RPS6KB1: variants seen among roughly 807,000 people sequenced by gnomAD.
RPS6KB1 encodes the protein ribosomal protein S6 kinase B1.
A neutral mutation model predicts 70.2 loss-of-function variants in RPS6KB1; 12 were observed. That is an observed-to-expected ratio of 0.17 (90% CI 0.11 to 0.28). The LOEUF (loss-of-function observed/expected upper bound fraction) is 0.28. Ranked by LOEUF, RPS6KB1 falls within the 10% of genes least tolerant of loss-of-function variation. The pLI, the probability that RPS6KB1 is intolerant of heterozygous loss-of-function variation, is 1.00. For synonymous variants in RPS6KB1, 175 were observed against 211.2 expected (o/e 0.83, Z 1.49); for missense variants, 270 against 646.6 (o/e 0.42, Z 6.32).
chr17:59,928,175 A>C (rs2043729636), intron 5 of RPS6KB1, among the ~76,000 whole-genome samples: 1 of 151,328 alleles, frequency 6.6e-6, no homozygotes, highest in African/African-American at 2.4e-5. Context: ...CACACACACA[A>C]AATAAAAGAA....
At chr17:59,910,442 A>G (rs1858984588) in intron 1 of RPS6KB1, 120 bp from the exon 2 acceptor site, 1 of 609,604 alleles carries the variant, frequency 1.6e-6, no homozygotes, top group Non-Finnish European at 2.8e-6. Context: ...TTGTTGAAGT[A>G]TAAGAGAATT....
intron 13 of RPS6KB1, chr17:59,945,158 CAGT>C (rs2044850232): frequency 3.2e-5 from 10 of 310,132 alleles, no homozygotes; most frequent in Non-Finnish European, 5.4e-5. Context: ...CTATTCCTGT[CAGT>C]AGGGTAGAAT....
At chr17:59,925,225 T>G (rs530415560) in intron 4 of RPS6KB1, among the ~76,000 whole-genome samples, 3 of 152,228 alleles carry the variant, frequency 2.0e-5, no homozygotes, top group African/African-American at 7.2e-5. Context: ...CTGTTTCTAG[T>G]GTTCCACTTT....
At chr17:59,922,650 T>C (rs913220467) in intron 4 of RPS6KB1, among the ~76,000 whole-genome samples, 9 of 143,094 alleles carry the variant, frequency 6.3e-5, no homozygotes, top group African/African-American at 2.3e-4. Context: ...GTTCAAACTA[T>C]CCTCCTGCCT....
intron 4 of RPS6KB1, among the ~76,000 whole-genome samples, chr17:59,921,867 A>G (rs1168998776): frequency 6.6e-6 from 1 of 152,156 alleles, no homozygotes; most frequent in Non-Finnish European, 1.5e-5. Flanking sequence ...TAGAACAATA[A>G]CTTTCTCACT....
chr17:59,923,917 GA>G (rs894510902), intron 4 of RPS6KB1, among the ~76,000 whole-genome samples: 1 of 152,180 alleles, frequency 6.6e-6, no homozygotes, highest in African/African-American at 2.4e-5. Flanking sequence ...TGTGCATAAT[GA>G]AAATTGTAAT....
intron 4 of RPS6KB1, among the ~76,000 whole-genome samples, chr17:59,925,763 T>C (rs1369621353): frequency 2.6e-5 from 4 of 152,220 alleles, no homozygotes; most frequent in Admixed American, 6.5e-5. Flanking sequence ...TCTTTTGCAC[T>C]GGAATGCCTT....
At chr17:59,935,650 T>C (rs1309486653) in intron 10 of RPS6KB1, among the ~76,000 whole-genome samples, 1 of 151,806 alleles carries the variant, frequency 6.6e-6, no homozygotes, top group Non-Finnish European at 1.5e-5. Flanking sequence ...AATTTTTGTA[T>C]TTTTAGTAGA....
At position 59,893,812 on chromosome 17, in the gene RPS6KB1, A is replaced by G; in HGVS notation, c.141+487A>G. 2.0e-6 allele frequency: 2 copies of G among 986,868 alleles called. No individual in the cohort carries two copies. Among genetic ancestry groups the G allele is most frequent in the Non-Finnish European group, 1.2e-6 (1 of 830,744 alleles). 61.1% of individuals were successfully genotyped at this position (986,868 alleles called of 1,614,324 possible). Reference sequence around the variant, plus strand: ...CTCTCCTAGGAAGCGCTCAGCTGTTAGAAGTGACAGCTGAAAACTTCTGTC... The same window carrying G: ...CTCTCCTAGGAAGCGCTCAGCTGTTGGAAGTGACAGCTGAAAACTTCTGTC... On this transcript the variant is annotated intron_variant, in intron 1 of 14. Coordinates refer to ENST00000225577, the MANE Select transcript of RPS6KB1 (RefSeq NM_003161.4). The surrounding 1 kb of genome is among the most constrained non-coding windows in gnomAD (Gnocchi z 4.1).
intron 1 of RPS6KB1, among the ~76,000 whole-genome samples, chr17:59,903,253 C>G (rs1018307248): frequency 6.6e-6 from 1 of 150,820 alleles, no homozygotes; most frequent in Non-Finnish European, 1.5e-5. Flanking sequence ...TGCAGTGACC[C>G]GAGATAGCAC....
intron 1 of RPS6KB1, among the ~76,000 whole-genome samples, chr17:59,901,665 G>A (rs1436131743): frequency 6.8e-6 from 1 of 147,362 alleles, no homozygotes; most frequent in South Asian, 2.1e-4. Flanking sequence ...AAGAAACAGA[G>A]TTTTGGCCAA....
chr17:59,916,841 C>G (rs1339730455), intron 4 of RPS6KB1, among the ~76,000 whole-genome samples: 1 of 152,072 alleles, frequency 6.6e-6, no homozygotes, highest in African/African-American at 2.4e-5. Context: ...TATAAAGATA[C>G]ATTTATAATA....
intron 1 of RPS6KB1, among the ~76,000 whole-genome samples, chr17:59,905,204 C>T (rs2042193973): frequency 6.6e-6 from 1 of 151,460 alleles, no homozygotes; most frequent in African/African-American, 2.4e-5. Flanking sequence ...GACCAAGTTT[C>T]ACCATGTTGC....
chr17:59,917,219 A>G (rs1286744826), intron 4 of RPS6KB1, among the ~76,000 whole-genome samples: 1 of 152,024 alleles, frequency 6.6e-6, no homozygotes, highest in Non-Finnish European at 1.5e-5. Flanking sequence ...CCTGGGCTCA[A>G]GCTATCCTCC....
chr17:59,907,463 C>A (rs1438067717), intron 1 of RPS6KB1: 4 of 152,010 alleles, frequency 2.6e-5, no homozygotes, highest in Admixed American at 2.6e-4. Context: ...GAATGCCTTT[C>A]CATTTATTTA....
chr17:59,931,365 G>T (rs1358333328), intron 6 of RPS6KB1: 2 of 401,202 alleles, frequency 5.0e-6, no homozygotes, highest in Non-Finnish European at 9.1e-6. Context: ...GCATATTCTG[G>T]ACATCTTTGC....
rs1213252646 is a variant in RPS6KB1, at chr17:59,910,569, TAAATG to T, written c.153_157del (p.Asn51LysfsTer11). 6.3e-7 allele frequency: 1 copy of T among 1,586,580 alleles called. No individual in the cohort carries two copies. On this transcript the variant is annotated frameshift_variant, in exon 2 of 15. Coordinates refer to ENST00000225577, the MANE Select transcript of RPS6KB1 (RefSeq NM_003161.4). LOFTEE classifies it high-confidence loss of function. ...TTTTAACATATTTTTCAGGGTCAGT[TAAATG>T]AAAGCATGGACCATGGGGGAGTTGG...
chr17:59,943,852 C>T (rs1277660569), intron 13 of RPS6KB1, among the ~76,000 whole-genome samples: 10 of 138,786 alleles, frequency 7.2e-5, no homozygotes, highest in Non-Finnish European at 1.1e-4. Flanking sequence ...CCAGCCTGGG[C>T]GACAGAGCTA....
In RPS6KB1 at chr17:59,950,416, A is replaced by G. The variant is rs1177051151; in HGVS notation, c.*3628A>G. 3 of 152,634 alleles carry G rather than the reference A, an allele frequency of 2.0e-5. No homozygotes were observed. Among genetic ancestry groups the G allele is most frequent in the African/African-American group, 7.2e-5 (3 of 41,470 alleles). 9.5% of individuals were successfully genotyped at this position (152,634 alleles called of 1,614,324 possible). On this transcript the variant is annotated 3_prime_UTR_variant, in exon 15 of 15. Coordinates refer to ENST00000225577, the MANE Select transcript of RPS6KB1 (RefSeq NM_003161.4). ...AAATAGAAATTAAATGCAAATTTGA[A>G]TGAACATAAATAGAAGTGATTTATT... is the stretch of plus-strand genomic sequence containing the variant.
Sources: allele counts gnomAD v4.1 joint callset (sites outside exome capture counted in the v4.1 genomes callset), GRCh38; gene constraint gnomAD v4.1.1; non-coding constraint Gnocchi (gnomAD v3.1); transcripts MANE v1.5; gene names NCBI Gene and HGNC (gene_info 2026-07-23, HGNC 2026-07-21).